DIXDC1: variants seen among roughly 807,000 people sequenced by gnomAD.
DIXDC1 encodes dixin.
DIXDC1 carries 64 observed loss-of-function variants against 103.1 expected under a neutral mutation model. The observed-to-expected ratio is 0.62, with a 90% CI of 0.51 to 0.76. The LOEUF is 0.76. DIXDC1 is among the 30% of genes least tolerant of loss of function. The pLI, the probability that DIXDC1 is intolerant of heterozygous loss-of-function variation, is 0.00. For missense variants in DIXDC1, 759 were observed against 834.2 expected (o/e 0.91, Z 1.11); for synonymous variants, 266 against 298.5 (o/e 0.89, Z 1.12).
At chr11:111,946,324 G>A (rs1966595487) in intron 1 of DIXDC1, among the ~76,000 whole-genome samples, 1 of 152,150 alleles carries the variant, frequency 6.6e-6, no homozygotes, top group African/African-American at 2.4e-5. Context: ...TAGCCAGGAT[G>A]GTCTCGATCT....
At position 111,992,410 on chromosome 11, in the gene DIXDC1, C is replaced by A; in HGVS notation, c.1114-5C>A. 1 of 1,567,386 alleles carries A rather than the reference C, an allele frequency of 6.4e-7. No individual in the cohort carries two copies. The highest frequency in any genetic ancestry group is 2.3e-5 in the East Asian group (1 of 42,688). ...CAACAATAATTAGTATGCTTTTTCC[C>A]CTAGGATGCCTTGCAGCAGAGATTG... On this transcript the variant is annotated splice_region_variant and splice_polypyrimidine_tract_variant and intron_variant, in intron 10 of 19. Transcript: ENST00000440460.
chr11:111,993,817 C>T (rs1860790263), intron 14 of DIXDC1, 77 bp downstream of exon 14: 2 of 1,521,026 alleles, frequency 1.3e-6, no homozygotes, highest in African/African-American at 1.4e-5. Context: ...CAGAGCTGAA[C>T]CAAGGCCACA....
At position 111,958,967 on chromosome 11, in the gene DIXDC1, C is replaced by T. The variant is rs78844535; in HGVS notation, c.61-5582C>T. Among the ~76,000 whole-genome samples the T allele has an allele frequency of 0.014, 2,158 of 152,242 alleles. 47 individuals are homozygous for T. The highest frequency in any genetic ancestry group is 0.05 in the African/African-American group (2,065 of 41,544). ...AGAGCTACCCACTCCAGGGTCTTCA[C>T]TCTGCTGAGAGCTGAACACTCATCG... is the stretch of plus-strand genomic sequence containing the variant. On this transcript the variant is annotated intron_variant, in intron 1 of 19. Transcript: ENST00000440460. The surrounding 1 kb of genome is among the most constrained non-coding windows in gnomAD (Gnocchi z 4.2).
At position 112,019,963 on chromosome 11, in the gene DIXDC1, T is replaced by G. The variant is rs1353414264; in HGVS notation, c.*927T>G. On this transcript the variant is annotated 3_prime_UTR_variant, in exon 20 of 20. Coordinates refer to ENST00000440460, the MANE Select transcript of DIXDC1 (RefSeq NM_001037954.4). ...GGAGACAGACCATTAATTTCAGCATTTCTTTGTGATTTATAAGTACTGAGC... is the reference window on the plus strand; with the variant it reads ...GGAGACAGACCATTAATTTCAGCATGTCTTTGTGATTTATAAGTACTGAGC... 1 of 152,178 alleles carries G rather than the reference T, an allele frequency of 6.6e-6. No homozygotes were observed. The highest frequency in any genetic ancestry group is 2.4e-5 in the African/African-American group (1 of 41,438). The allele number at this position is 152,178 out of a possible 1,614,324, so 9.4% of individuals were successfully genotyped here.
rs1555173152 is a variant in DIXDC1, at chr11:111,980,741, A to G, written c.661A>G (p.Thr221Ala). 1.9e-6 allele frequency: 3 copies of G among 1,613,410 alleles called. No homozygotes were observed. The highest frequency in any genetic ancestry group is 1.1e-5 in the South Asian group (1 of 90,960). ...TTCCTTTTTCTTCAATCACAGCCTG[A>G]CTTCACCCAGTCCAATCCACAGTGC... Reference protein sequence around the residue: ...SPSESSCSSLTSPSPIHSAKS... With the variant: ...SPSESSCSSLASPSPIHSAKS... Residue 221 changes from threonine to alanine, a missense_variant, in exon 6 of 20, where the codon ACT becomes GCT. Thr to Ala is a moderately conservative substitution (Grantham distance 58). Around this residue, in one of 3 missense-constraint regions of DIXDC1, gnomAD observed 657 missense variants for 727.5 expected, o/e 0.90. Coordinates refer to ENST00000440460, the MANE Select transcript of DIXDC1 (RefSeq NM_001037954.4).
intron 3 of DIXDC1, among the ~76,000 whole-genome samples, chr11:111,970,646 A>G (rs1044962790): frequency 6.6e-6 from 1 of 150,488 alleles, no homozygotes; most frequent in Non-Finnish European, 1.5e-5. Flanking sequence ...TGGGCAACAG[A>G]GCGAAACTCT....
chr11:112,002,526 C>T (rs587630468), intron 17 of DIXDC1, among the ~76,000 whole-genome samples: 6 of 152,200 alleles, frequency 3.9e-5, no homozygotes, highest in Non-Finnish European at 7.3e-5. Context: ...CACAGTGGCT[C>T]GTGCCTGTAA....
intron 1 of DIXDC1, among the ~76,000 whole-genome samples, chr11:111,952,216 A>C (rs1206646817): frequency 1.3e-5 from 2 of 152,188 alleles, no homozygotes; most frequent in Non-Finnish European, 2.9e-5. Context: ...CAGCAGCGTG[A>C]ACACAGACTA....
intron 5 of DIXDC1, among the ~76,000 whole-genome samples, chr11:111,978,628 G>A (rs374477913): frequency 1.6e-4 from 24 of 152,182 alleles, no homozygotes; most frequent in East Asian, 9.6e-4. Context: ...AGAAGGAGCT[G>A]AGCATGCGTC....
At chr11:111,969,538 A>G (rs893993078) in intron 3 of DIXDC1, among the ~76,000 whole-genome samples, 1 of 152,308 alleles carries the variant, frequency 6.6e-6, no homozygotes, top group South Asian at 2.1e-4. Flanking sequence ...GGCTTGGCCC[A>G]GATGGGTTTG....
chr11:111,952,998 A>C (rs1966844871), intron 1 of DIXDC1, among the ~76,000 whole-genome samples: 2 of 152,236 alleles, frequency 1.3e-5, no homozygotes, highest in East Asian at 3.9e-4. Flanking sequence ...TCCAAAAACC[A>C]AACAAAGAAA....
At position 111,993,589 on chromosome 11, in the gene DIXDC1, G is replaced by T. The variant is rs1402002246; in HGVS notation, c.1365+1G>T. The T allele has an allele frequency of 6.2e-7, 1 of 1,613,882 alleles. No individual in the cohort carries two copies. Among genetic ancestry groups the T allele is most frequent in the Non-Finnish European group, 8.5e-7 (1 of 1,179,906 alleles). ...ACTCTCTGATGTCAGTTACCACCAG[G>T]TCAGAACATATTCAGCCACTGACTT... On this transcript the variant is annotated splice_donor_variant, in intron 13 of 19. Transcript: ENST00000440460. LOFTEE classifies it high-confidence loss of function.
upstream of DIXDC1, among the ~76,000 whole-genome samples, chr11:111,933,051 A>G (rs587691016): frequency 3.3e-5 from 5 of 152,374 alleles, no homozygotes; most frequent in South Asian, 4.1e-4. Flanking sequence ...TAAAAGAGAT[A>G]AAGATTCACA....
chr11:111,965,867 A>G lies in DIXDC1; in HGVS notation c.190+1189A>G, dbSNP rs782077608. On this transcript the variant is annotated intron_variant, in intron 2 of 19. Coordinates refer to ENST00000440460, the MANE Select transcript of DIXDC1 (RefSeq NM_001037954.4). ...AGGCTAAGCAACTTTACAAAGTCACATAACTATAAGTGCCAAAACAGAGGT... is the reference window on the plus strand; with the variant it reads ...AGGCTAAGCAACTTTACAAAGTCACGTAACTATAAGTGCCAAAACAGAGGT... Among the ~76,000 whole-genome samples the G allele has an allele frequency of 7.9e-5, 12 of 152,368 alleles. 4 individuals carry two copies. Among genetic ancestry groups the G allele is most frequent in the African/African-American group, 2.9e-4 (12 of 41,578 alleles).
intron 17 of DIXDC1, among the ~76,000 whole-genome samples, chr11:111,999,205 G>A (rs1860991836): frequency 6.6e-6 from 1 of 152,204 alleles, no homozygotes; most frequent in African/African-American, 2.4e-5. Context: ...TTTCCTGAAA[G>A]AGTATTGTAC....
intron 3 of DIXDC1, among the ~76,000 whole-genome samples, chr11:111,972,063 C>T (rs1357344612): frequency 6.6e-6 from 1 of 152,086 alleles, no homozygotes; most frequent in Non-Finnish European, 1.5e-5. Flanking sequence ...CCCTAGACCT[C>T]AGCATCACAC....
At chr11:111,995,616 G>A (rs782782860) in intron 16 of DIXDC1, 52 bp downstream of exon 16, 19 of 1,599,936 alleles carry the variant, frequency 1.2e-5, no homozygotes, top group Non-Finnish European at 1.6e-5. Flanking sequence ...AGAAAGCTGG[G>A]TTTTAAGAAT....
chr11:111,993,862 T>G (rs1860793158), intron 14 of DIXDC1, 122 bp downstream of exon 14: 2 of 1,099,748 alleles, frequency 1.8e-6, no homozygotes, highest in East Asian at 5.2e-5. Context: ...GATGAGCTAG[T>G]TAAAAGTGCA....
At chr11:111,929,184 CA>C (rs1244068516) in intron 1 of DIXDC1, among the ~76,000 whole-genome samples, 13 of 151,530 alleles carry the variant, frequency 8.6e-5, no homozygotes, top group African/African-American at 3.1e-4. Context: ...GTCCCCCCAA[CA>C]AAAAAAAGAA....
Sources: allele counts gnomAD v4.1 joint callset (sites outside exome capture counted in the v4.1 genomes callset), GRCh38; gene constraint gnomAD v4.1.1; regional missense constraint gnomAD v4.1.1; non-coding constraint Gnocchi (gnomAD v3.1); transcripts MANE v1.5; gene names NCBI Gene and HGNC (gene_info 2026-07-23, HGNC 2026-07-21).